RSPO2: variants seen among roughly 807,000 people sequenced by gnomAD.
RSPO2 encodes R-spondin 2.
In RSPO2, 14 loss-of-function variants were observed where a neutral mutation model predicts 30.9. The ratio of observed to expected loss-of-function variants is 0.45; its 90% CI spans 0.30 to 0.71. The LOEUF (loss-of-function observed/expected upper bound fraction) is 0.71, where lower values mean the gene tolerates loss of function less well. RSPO2 is among the 30% of genes least tolerant of loss of function. RSPO2 has a pLI of 0.08. For missense variants in RSPO2, 264 were observed against 301.9 expected (o/e 0.87, Z 0.93); for synonymous variants, 107 against 96.4 (o/e 1.11, Z -0.64).
chr8:108,062,693 A>G (rs1812511038), intron 2 of RSPO2, among the ~76,000 whole-genome samples: 1 of 151,856 alleles, frequency 6.6e-6, no homozygotes. Context: ...TGAGGCCAGA[A>G]TCATCCTGAT....
intron 2 of RSPO2, among the ~76,000 whole-genome samples, chr8:108,061,158 T>A (rs533674643): frequency 6.6e-6 from 1 of 151,876 alleles, no homozygotes; most frequent in South Asian, 2.1e-4. Flanking sequence ...AACATCATAA[T>A]GACAGGATCA....
intron 3 of RSPO2, among the ~76,000 whole-genome samples, chr8:107,985,281 A>C (rs1814584507): frequency 6.6e-6 from 1 of 152,208 alleles, no homozygotes; most frequent in South Asian, 2.1e-4. Flanking sequence ...TATTATGTTT[A>C]AACATTTATC....
chr8:108,074,345 A>G (rs1434805058), intron 2 of RSPO2, among the ~76,000 whole-genome samples: 1 of 152,210 alleles, frequency 6.6e-6, no homozygotes, highest in Non-Finnish European at 1.5e-5. Flanking sequence ...TCTGACCCTT[A>G]TTATTCTAAC....
chr8:108,072,027 C>A (rs763225294), intron 2 of RSPO2, among the ~76,000 whole-genome samples: 5 of 152,048 alleles, frequency 3.3e-5, no homozygotes, highest in Non-Finnish European at 5.9e-5. Flanking sequence ...ATAGTTACCC[C>A]CAAAGAGTTA....
intron 2 of RSPO2, among the ~76,000 whole-genome samples, chr8:108,020,399 A>G (rs1811022407): frequency 6.6e-6 from 1 of 152,188 alleles, no homozygotes; most frequent in African/African-American, 2.4e-5. Context: ...AAAAAATTAA[A>G]TAAAATCCTA....
At position 107,960,801 on chromosome 8, in the gene RSPO2, G is replaced by A. The variant is rs1316269107; in HGVS notation, c.300C>T (p.Asn100=). The change falls in exon 4 of 6, where the codon AAC becomes AAT. Residue 100 remains asparagine (N), a synonymous_variant. Coordinates refer to ENST00000276659, the MANE Select transcript of RSPO2 (RefSeq NM_178565.5). Reference sequence around the variant, plus strand: ...AGTCTTTGCTAAAGCAAGAATCACAGTTTTCTATTCTGCATCCTAAAAACA... The same window carrying A: ...AGTCTTTGCTAAAGCAAGAATCACAATTTTCTATTCTGCATCCTAAAAACA... The part of the protein sequence containing the change: ...MNRCARCRIE[N]CDSCFSKDFC... 1.2e-6 allele frequency: 2 copies of A among 1,603,248 alleles called. No individual in the cohort carries two copies. Among genetic ancestry groups the A allele is most frequent in the East Asian group, 2.2e-5 (1 of 44,694 alleles).
At chr8:107,916,533 A>G (rs1295906403) in intron 5 of RSPO2, among the ~76,000 whole-genome samples, 1 of 152,226 alleles carries the variant, frequency 6.6e-6, no homozygotes, top group African/African-American at 2.4e-5. Context: ...AGTGCATAAG[A>G]AAAGAGGAAT....
chr8:107,925,729 T>C (rs1283270941), intron 5 of RSPO2, among the ~76,000 whole-genome samples: 1 of 152,170 alleles, frequency 6.6e-6, no homozygotes, highest in African/African-American at 2.4e-5. Context: ...GCAAAGGACA[T>C]GAACTCATCC....
chr8:108,007,772 T>G (rs1173197716), intron 2 of RSPO2, among the ~76,000 whole-genome samples: 1 of 152,044 alleles, frequency 6.6e-6, no homozygotes, highest in Non-Finnish European at 1.5e-5. Flanking sequence ...GTGAAGAGCC[T>G]GAGTTTAGCT....
At chr8:107,953,603 T>C (rs1813323774) in intron 5 of RSPO2, among the ~76,000 whole-genome samples, 1 of 152,192 alleles carries the variant, frequency 6.6e-6, no homozygotes, top group Non-Finnish European at 1.5e-5. Flanking sequence ...CATGGCTTTA[T>C]CTTTGGTCTT....
chr8:107,905,438 C>A (rs1029085794), intron 5 of RSPO2, among the ~76,000 whole-genome samples: 2 of 152,000 alleles, frequency 1.3e-5, no homozygotes, highest in African/African-American at 4.8e-5. Context: ...AAGTAAGCCA[C>A]AATTATGACA....
intron 5 of RSPO2, among the ~76,000 whole-genome samples, chr8:107,918,650 CT>C (rs1812055755): frequency 6.6e-6 from 1 of 152,156 alleles, no homozygotes. Context: ...CTAGCCTCAG[CT>C]TTTAAAAAGT....
chr8:108,046,193 T>C (rs1465890695), intron 2 of RSPO2, among the ~76,000 whole-genome samples: 1 of 152,152 alleles, frequency 6.6e-6, no homozygotes, highest in African/African-American at 2.4e-5. Flanking sequence ...CCTACGGCTT[T>C]ATGAAAAGAA....
intron 5 of RSPO2, among the ~76,000 whole-genome samples, chr8:107,930,246 G>A (rs1486848472): frequency 7.2e-5 from 11 of 152,208 alleles, no homozygotes; most frequent in Admixed American, 5.9e-4. Flanking sequence ...AAAGTTCACA[G>A]AGGTACTAAG....
chr8:108,060,458 T>A (rs1456542596), intron 2 of RSPO2, among the ~76,000 whole-genome samples: 1 of 151,352 alleles, frequency 6.6e-6, no homozygotes, highest in Non-Finnish European at 1.5e-5. Flanking sequence ...ATGAATGAAA[T>A]GAAGCGAGAA....
At chr8:107,926,073 C>A (rs563969281) in intron 5 of RSPO2, among the ~76,000 whole-genome samples, 1 of 152,164 alleles carries the variant, frequency 6.6e-6, no homozygotes, top group African/African-American at 2.4e-5. Context: ...CCTGTTGTTT[C>A]CTGACTTTTT....
intron 2 of RSPO2, among the ~76,000 whole-genome samples, chr8:107,997,764 T>C (rs1161610510): frequency 6.6e-6 from 1 of 152,256 alleles, no homozygotes; most frequent in Non-Finnish European, 1.5e-5. Context: ...AATTATAAAG[T>C]AAGTTTAGCC....
At chr8:107,969,942 T>A (rs1813938401) in intron 3 of RSPO2, among the ~76,000 whole-genome samples, 1 of 152,178 alleles carries the variant, frequency 6.6e-6, no homozygotes, top group South Asian at 2.1e-4. Flanking sequence ...TTTTTCCAAA[T>A]GTTGGAAAAT....
At chr8:108,060,019 T>C (rs1563584586) in intron 2 of RSPO2, among the ~76,000 whole-genome samples, 2 of 149,862 alleles carry the variant, frequency 1.3e-5, no homozygotes, top group Admixed American at 1.3e-4. Context: ...AAAATAAAAT[T>C]AAAAAAAAAG....
Sources: gnomAD v4.1 joint callset for allele counts (sites outside exome capture counted in the v4.1 genomes callset) on GRCh38, gnomAD v4.1.1 for gene constraint, MANE v1.5 for transcripts, NCBI Gene and HGNC (gene_info 2026-07-23, HGNC 2026-07-21) for gene names.